Variants in DNAH5 observed in about 807,000 individuals in gnomAD.
DNAH5 encodes dynein axonemal heavy chain 5, also known as axonemal beta dynein heavy chain 5.
A neutral mutation model predicts 518.2 loss-of-function variants in DNAH5; 372 were observed. The ratio of observed to expected loss-of-function variants is 0.72; its 90% confidence interval spans 0.66 to 0.78. DNAH5 has a LOEUF of 0.78. Ranked by LOEUF, DNAH5 falls within the 30% of genes least tolerant of loss-of-function variation. The pLI, the probability that DNAH5 is intolerant of heterozygous loss-of-function variation, is 0.00. For missense variants in DNAH5, 5,523 were observed against 5,687.0 expected, an observed-to-expected ratio of 0.97 and a Z score of 0.93; for synonymous variants, 2,039 against 2,025.9, an observed-to-expected ratio of 1.01 and a Z score of -0.17.
In DNAH5 at chr5:13,923,177, G is replaced by A. The variant is rs1484263730; in HGVS notation, c.438+103C>T. On this transcript the variant is annotated intron_variant, in intron 4 of 78. Transcript: ENST00000265104. ...AAATACTTCTCTGAAAGTAGTTTTA[G>A]ATACTGTAGTGAATACAATGATTGT... 13 of 1,440,590 alleles carry A rather than the reference G, an allele frequency of 9.0e-6. No homozygotes were observed. In the East Asian group the frequency reaches 3.0e-4, roughly 33 times the overall value. The allele number at this position is 1,440,590 out of a possible 1,614,324, so 89.2% of individuals were successfully genotyped here. A position where few individuals can be genotyped will look rare whatever the true frequency, so the allele number is the denominator to read the frequency against.
At chr5:13,760,341 A>C (rs184610606) in intron 60 of DNAH5, among the ~76,000 whole-genome samples, 11 of 152,328 alleles carry the variant, frequency 7.2e-5, no homozygotes, top group Admixed American at 5.2e-4. Flanking sequence ...AAACCCTGTG[A>C]GCTTCAGTTT....
intron 15 of DNAH5, chr5:13,898,675 A>G (rs1379611122): frequency 2.0e-5 from 8 of 398,458 alleles, no homozygotes; most frequent in Non-Finnish European, 3.5e-5. Context: ...TACCTAACGT[A>G]GTGGTAGAAA....
chr5:13,917,143 G>A lies in DNAH5; in HGVS notation c.1089C>T (p.Pro363=), dbSNP rs763797137. The change falls in exon 8 of 79, where the codon CCC becomes CCT. Residue 363 remains proline (P), a splice_region_variant and synonymous_variant. Coordinates refer to ENST00000265104, the MANE Select transcript of DNAH5 (RefSeq NM_001369.3). ...KCCDPLYSSD[P]LSMMDAIPTL... is the part of the protein sequence containing the mutation. ...GAAAGAGTAGAAATCCTTAACTCAC[G>A]GGATCACTGCTGTACAAAGGGTCAC... is the stretch of plus-strand genomic sequence containing the variant. The A allele has an allele frequency of 1.7e-5, 27 of 1,608,310 alleles. No homozygotes were observed. Among genetic ancestry groups the A allele is most frequent in the African/African-American group, 6.7e-5 (5 of 74,802 alleles).
rs552184800 is a variant in DNAH5 at position 13,851,306 on chromosome 5, T to C, written c.4951-491A>G. 3.3e-5 allele frequency among the ~76,000 whole-genome samples: 5 copies of C among 152,286 alleles called. No individual in the cohort carries two copies. In the South Asian group the frequency reaches 8.3e-4, roughly 25 times the overall value. On this transcript the variant is annotated intron_variant, in intron 30 of 78. Coordinates refer to ENST00000265104, the MANE Select transcript of DNAH5 (RefSeq NM_001369.3). Reference sequence around the variant, plus strand: ...GATTATCTTGAGAGGGCAGGAATCATATAAATTTTCTTCCTTTTTTAAGAC... The same window carrying C: ...GATTATCTTGAGAGGGCAGGAATCACATAAATTTTCTTCCTTTTTTAAGAC...
intron 74 of DNAH5, among the ~76,000 whole-genome samples, chr5:13,715,242 T>C (rs2401827): frequency 2.1e-3 from 320 of 152,320 alleles, no homozygotes; most frequent in Middle Eastern, 6.8e-3. Flanking sequence ...ATTTGACACA[T>C]ATTTCTATGT....
chr5:13,924,840 C>T (rs1167678095), intron 3 of DNAH5, among the ~76,000 whole-genome samples: 1 of 152,124 alleles, frequency 6.6e-6, no homozygotes, highest in Non-Finnish European at 1.5e-5. Context: ...AAGCATGTGG[C>T]TCATTGAGTA....
rs74863842 is a variant in DNAH5 at position 13,720,847 on chromosome 5, T to C, written c.12279+153A>G. ...TGCCACATTGCCTCAAAAGTTTCAA[T>C]GTTAGCTTAAATTTAAAAAAAAAAC... On this transcript the variant is annotated intron_variant, in intron 71 of 78. Coordinates refer to ENST00000265104, the MANE Select transcript of DNAH5 (RefSeq NM_001369.3). Among the ~76,000 whole-genome samples the C allele has an allele frequency of 5.2e-3, 709 of 135,796 alleles. 7 individuals carry two copies. The highest frequency in any genetic ancestry group is 0.019 in the African/African-American group (675 of 35,082). 89.1% of individuals were successfully genotyped at this position (135,796 alleles called of 152,430 possible).
intron 1 of DNAH5, among the ~76,000 whole-genome samples, chr5:13,943,829 T>C (rs758275465): frequency 6.6e-6 from 1 of 152,152 alleles, no homozygotes; most frequent in Non-Finnish European, 1.5e-5. Flanking sequence ...TAATTGGCAG[T>C]GGAAGAGGTT....
chr5:13,961,704 A>G (rs1461465729), intron 1 of DNAH5, among the ~76,000 whole-genome samples: 4 of 152,172 alleles, frequency 2.6e-5, no homozygotes, highest in African/African-American at 9.7e-5. Flanking sequence ...TCCAAAGCCC[A>G]CGGACAAAAT....
At chr5:13,896,886 T>C (rs1773977042) in intron 15 of DNAH5, 1 of 152,250 alleles carries the variant, frequency 6.6e-6, no homozygotes, top group Non-Finnish European at 1.5e-5. Flanking sequence ...CAGTTGGTAT[T>C]AAGGTCATAT....
At chr5:13,824,542 C>G (rs1318883174) in intron 38 of DNAH5, among the ~76,000 whole-genome samples, 1 of 152,184 alleles carries the variant, frequency 6.6e-6, no homozygotes, top group East Asian at 1.9e-4. Flanking sequence ...CATGTGCCAT[C>G]ATTAGCTTAA....
At chr5:13,909,586 A>G (rs914544996) in intron 12 of DNAH5, among the ~76,000 whole-genome samples, 24 of 152,098 alleles carry the variant, frequency 1.6e-4, no homozygotes, top group African/African-American at 4.3e-4. Context: ...AATGTTTTCC[A>G]GGCCTGATCT....
intron 38 of DNAH5, 26 bp downstream of exon 38, chr5:13,829,484 T>C (rs762131747): frequency 1.9e-6 from 3 of 1,609,986 alleles, no homozygotes; most frequent in Non-Finnish European, 2.5e-6. Flanking sequence ...CATGCCTAAG[T>C]GCATAAGACC....
At chr5:13,791,969 T>C (rs780232199) in intron 50 of DNAH5, 25 bp downstream of exon 50, 1 of 1,568,560 alleles carries the variant, frequency 6.4e-7, no homozygotes, top group Non-Finnish European at 8.8e-7. Context: ...ATGTTATTTG[T>C]TTTTCTTTCT....
intron 17 of DNAH5, among the ~76,000 whole-genome samples, chr5:13,888,933 C>G (rs1484906935): frequency 6.6e-6 from 1 of 152,180 alleles, no homozygotes; most frequent in Non-Finnish European, 1.5e-5. Flanking sequence ...AAGTAAATTA[C>G]AGTATATCAA....
At chr5:13,695,417 G>C (rs1741237199) in intron 78 of DNAH5, among the ~76,000 whole-genome samples, 2 of 152,134 alleles carry the variant, frequency 1.3e-5, no homozygotes, top group African/African-American at 4.8e-5. Flanking sequence ...AATTAACTCA[G>C]GACTTCGATA....
At chr5:13,917,052 T>G in intron 8 of DNAH5, 91 bp downstream of exon 8, 1 of 1,002,344 alleles carries the variant, frequency 1.0e-6, no homozygotes, top group African/African-American at 1.6e-5. Context: ...TCCAATGAAC[T>G]GTAATATTGA....
intron 28 of DNAH5, among the ~76,000 whole-genome samples, chr5:13,864,056 C>T (rs985553297): frequency 2.0e-5 from 3 of 152,260 alleles, no homozygotes; most frequent in Non-Finnish European, 4.4e-5. Flanking sequence ...CCTAGTCCTC[C>T]CTAGCTTTAT....
intron 27 of DNAH5, 152 bp downstream of exon 27, chr5:13,865,516 T>C (rs1769115526): frequency 2.9e-6 from 2 of 694,378 alleles, no homozygotes; most frequent in South Asian, 1.6e-5. Context: ...AATTAATAAA[T>C]AGCATTTGAC....
Sources: allele counts gnomAD v4.1 joint callset (sites outside exome capture counted in the v4.1 genomes callset), GRCh38; gene constraint gnomAD v4.1.1; transcripts MANE v1.5; gene names NCBI Gene and HGNC (gene_info 2026-07-23, HGNC 2026-07-21).